CREBBP: variants seen among roughly 807,000 people sequenced by gnomAD.
CREBBP encodes CREB binding lysine acetyltransferase, also known as CREB-binding protein.
In CREBBP, 19 loss-of-function variants were observed where a neutral mutation model predicts 265.0. That is an observed-to-expected ratio of 0.07 (90% CI 0.05 to 0.11). The LOEUF is 0.11. Ranked by LOEUF, CREBBP falls within the 10% of genes least tolerant of loss-of-function variation. The pLI is 1.00. For missense variants in CREBBP, 2,525 were observed against 3,219.0 expected, an observed-to-expected ratio of 0.78 and a Z score of 5.22; for synonymous variants, 1,457 against 1,223.7, an observed-to-expected ratio of 1.19 and a Z score of -3.98.
chr16:3,864,125 TC>T (rs973198340), intron 1 of CREBBP, among the ~76,000 whole-genome samples: 1 of 152,010 alleles, frequency 6.6e-6, no homozygotes, highest in African/African-American at 2.4e-5. Flanking sequence ...CACCTCAGAT[TC>T]CCCAGCCATA....
rs2141248120 is a variant in CREBBP at position 3,781,283 on chromosome 16, C to T, written c.1597G>A (p.Ala533Thr). The T allele has an allele frequency of 6.2e-7, 1 of 1,613,756 alleles. No homozygotes were observed. The highest frequency in any genetic ancestry group is 8.5e-7 in the Non-Finnish European group (1 of 1,179,724). ...TGCTGATCTGTTGTTATTCCTCCTG[C>T]TGGAATGTTCATTGGATTATTTCCT... ...PLGNNPMNIP[A>T]GGITTDQQPP... Residue 533 changes from alanine to threonine, a missense_variant, in exon 7 of 31, where the codon GCA becomes ACA. Physicochemically the swap from Ala to Thr is moderately conservative, Grantham distance 58. Coordinates refer to ENST00000262367, the MANE Select transcript of CREBBP (RefSeq NM_004380.3).
At chr16:3,819,538 C>T (rs2054103014) in intron 2 of CREBBP, among the ~76,000 whole-genome samples, 1 of 152,040 alleles carries the variant, frequency 6.6e-6, no homozygotes, top group South Asian at 2.1e-4. Context: ...ACATGTAGGA[C>T]GATAGGGAGA....
At position 3,774,592 on chromosome 16, in the gene CREBBP, T is replaced by A. The variant is rs772162418; in HGVS notation, c.2260A>T (p.Asn754Tyr). ...ACCCCTGGCACTGAGCCCATGCTGT[T>A]CATCTGGACAGAGTGGTTCATTGGG... The part of the protein sequence containing the change: ...ASPMNHSVQM[N>Y]SMGSVPGMAI... Residue 754 changes from asparagine (N) to tyrosine (Y), a missense_variant, in exon 12 of 31, where the codon AAC becomes TAC. Asn to Tyr is a moderately radical substitution (Grantham distance 143). Coordinates refer to ENST00000262367, the MANE Select transcript of CREBBP (RefSeq NM_004380.3). 6.2e-7 allele frequency: 1 copy of A among 1,614,180 alleles called. No individual in the cohort carries two copies.
Position 3,880,588 on chromosome 16 carries a change from GCGGGCCGGC to G in CREBBP, c.-681_-673del, listed in dbSNP as rs1182047148. The G allele has an allele frequency of 6.8e-6, 1 of 146,736 alleles. No homozygotes were observed. 9.1% of individuals were successfully genotyped at this position (146,736 alleles called of 1,614,324 possible). On this transcript the variant is annotated 5_prime_UTR_variant, in exon 1 of 31. Transcript: ENST00000262367. ...GGGCGGGCGCCGAGGGCCGGGCGGA[GCGGGCCGGC>G]CGGGCGGAGCGGGGTGCGCGGGCGG...
chr16:3,762,185 A>G (rs2052735335), intron 16 of CREBBP, among the ~76,000 whole-genome samples: 1 of 152,126 alleles, frequency 6.6e-6, no homozygotes, highest in African/African-American at 2.4e-5. Context: ...CTCAGGACGC[A>G]CAAAGCCCAC....
Position 3,729,502 on chromosome 16 carries a change from T to G in CREBBP, c.5545A>C (p.Lys1849Gln). 1.9e-6 allele frequency: 3 copies of G among 1,614,070 alleles called. No individual in the cohort carries two copies. Among genetic ancestry groups the G allele is most frequent in the Non-Finnish European group, 2.5e-6 (3 of 1,179,988 alleles). ...PVPFCLNIKH[K>Q]LRQQQIQHRL... is the part of the protein sequence containing the mutation. ...TGCTGGATCTGCTGCTGGCGGAGCT[T>G]GTGTTTGATGTTGAGGCAGAAGGGC... is the stretch of plus-strand genomic sequence containing the variant. The change falls in exon 31 of 31, where the codon AAG (lysine) becomes CAG (glutamine). Residue 1849 changes from lysine (K) to glutamine (Q), a missense_variant. By Grantham distance (53) the Lys-to-Gln change is moderately conservative (BLOSUM62 1). Around this residue, in one of 19 missense-constraint regions of CREBBP, gnomAD observed 53 missense variants for 146.3 expected, o/e 0.36. Transcript: ENST00000262367.
At chr16:3,876,951 A>G (rs1218879464) in intron 1 of CREBBP, among the ~76,000 whole-genome samples, 1 of 152,086 alleles carries the variant, frequency 6.6e-6, no homozygotes, top group Non-Finnish European at 1.5e-5. Flanking sequence ...CAGCTCCCCA[A>G]TGTCGGGTGC....
At chr16:3,746,957 CAA>C in intron 21 of CREBBP, among the ~76,000 whole-genome samples, 1 of 152,128 alleles carries the variant, frequency 6.6e-6, no homozygotes, top group East Asian at 1.9e-4. Flanking sequence ...AAACAACAAA[CAA>C]AATCCAAACA....
At chr16:3,865,305 T>A (rs2055155403) in intron 1 of CREBBP, among the ~76,000 whole-genome samples, 1 of 152,214 alleles carries the variant, frequency 6.6e-6, no homozygotes. Flanking sequence ...AAGACAAGAC[T>A]GGAAATAACC....
intron 8 of CREBBP, among the ~76,000 whole-genome samples, chr16:3,779,341 A>C (rs1431339831): frequency 4.6e-5 from 7 of 152,094 alleles, no homozygotes; most frequent in African/African-American, 1.4e-4. Flanking sequence ...TGCCTGGCTA[A>C]TTTTTAAATT....
intron 2 of CREBBP, among the ~76,000 whole-genome samples, chr16:3,815,929 A>G (rs1047535416): frequency 5.5e-4 from 84 of 152,254 alleles, no homozygotes; most frequent in African/African-American, 2.0e-3. Flanking sequence ...ACTCTTTTAA[A>G]TAAAATTAAA....
At chr16:3,775,685 C>G (rs910863105) in intron 11 of CREBBP, among the ~76,000 whole-genome samples, 1 of 152,088 alleles carries the variant, frequency 6.6e-6, no homozygotes, top group African/African-American at 2.4e-5. Context: ...AAATGAAAAA[C>G]AATTACTAAG....
At chr16:3,761,839 T>C (rs1171673826) in intron 16 of CREBBP, among the ~76,000 whole-genome samples, 1 of 152,248 alleles carries the variant, frequency 6.6e-6, no homozygotes, top group East Asian at 1.9e-4. Context: ...TTTGCTAGTC[T>C]TTGAATAACT....
At chr16:3,791,877 C>G in intron 5 of CREBBP, 104 bp downstream of exon 5, 1 of 1,008,018 alleles carries the variant, frequency 9.9e-7, no homozygotes, top group East Asian at 2.4e-5. Flanking sequence ...ACCCTGCACT[C>G]CATGGCTCAT....
At chr16:3,855,431 A>C (rs2054940126) in intron 1 of CREBBP, among the ~76,000 whole-genome samples, 1 of 152,064 alleles carries the variant, frequency 6.6e-6, no homozygotes, top group Non-Finnish European at 1.5e-5. Flanking sequence ...CACCCGGCTA[A>C]CGTTTGTATT....
intron 2 of CREBBP, among the ~76,000 whole-genome samples, chr16:3,850,027 T>C (rs980926564): frequency 1.3e-5 from 2 of 152,144 alleles, no homozygotes; most frequent in Non-Finnish European, 2.9e-5. Flanking sequence ...GAAAGCAACC[T>C]CTACCAGGTT....
Position 3,778,814 on chromosome 16 carries a change from GA to G in CREBBP, c.1826del (p.Val609AlafsTer13). On this transcript the variant is annotated frameshift_variant and splice_region_variant, in exon 9 of 31. Transcript: ENST00000262367. LOFTEE classifies it high-confidence loss of function. ...DLRSHLVHKLVQAIFPTPDPA... is the reference protein window; with the variant it reads ...DLRSHLVHKLXQAIFPTPDPA... ...GATCAGGTGTTGGGAAGATGGCTTG[GA>G]CGCTGAAAGGATAACACATCTATCA... The G allele has an allele frequency of 6.2e-7, 1 of 1,613,438 alleles. No individual in the cohort carries two copies. Among genetic ancestry groups the G allele is most frequent in the Non-Finnish European group, 8.5e-7 (1 of 1,179,466 alleles).
intron 23 of CREBBP, 54 bp downstream of exon 23, chr16:3,744,840 C>T: frequency 5.2e-6 from 7 of 1,356,230 alleles, no homozygotes; most frequent in Non-Finnish European, 7.4e-6. Context: ...GGGACAATTT[C>T]TACAAGTTTC....
chr16:3,811,108 A>C (rs1335601958), intron 2 of CREBBP, among the ~76,000 whole-genome samples: 1 of 152,102 alleles, frequency 6.6e-6, no homozygotes, highest in Non-Finnish European at 1.5e-5. Context: ...GCTGCTACCC[A>C]AGGGGAATTC....
Sources: gnomAD v4.1 joint callset for allele counts (sites outside exome capture counted in the v4.1 genomes callset) on GRCh38, gnomAD v4.1.1 for gene constraint, gnomAD v4.1.1 regional missense constraint, MANE v1.5 for transcripts, NCBI Gene and HGNC (gene_info 2026-07-23, HGNC 2026-07-21) for gene names.